The following CPEB3 variants were observed in gnomAD, a reference collection of about 807,000 sequenced individuals.
The protein encoded by CPEB3 is cytoplasmic polyadenylation element-binding protein 3.
A neutral mutation model predicts 67.2 loss-of-function variants in CPEB3; 20 were observed. The ratio of observed to expected loss-of-function variants is 0.30; its 90% CI spans 0.21 to 0.43. CPEB3 has a LOEUF of 0.43. Ranked by LOEUF, CPEB3 falls within the 20% of genes least tolerant of loss-of-function variation. The pLI, the probability that CPEB3 is intolerant of heterozygous loss-of-function variation, is 1.00. For synonymous variants in CPEB3, 376 were observed against 393.1 expected, an observed-to-expected ratio of 0.96 and a Z score of 0.51; for missense variants, 746 against 968.6, an observed-to-expected ratio of 0.77 and a Z score of 3.05.
chr10:92,167,922 T>A (rs1363362667), intron 4 of CPEB3, among the ~76,000 whole-genome samples: 2 of 150,728 alleles, frequency 1.3e-5, no homozygotes, highest in African/African-American at 4.9e-5. Context: ...AAAAATAAAA[T>A]AAAATAAAAT....
chr10:92,054,782 A>G (rs999884524), intron 9 of CPEB3, among the ~76,000 whole-genome samples: 6 of 152,096 alleles, frequency 3.9e-5, no homozygotes, highest in African/African-American at 1.4e-4. Flanking sequence ...AAATTATTCA[A>G]ATTAAAAATA....
rs987927236 is a variant in CPEB3, at chr10:92,246,339, C to CA, written c.-11-5979dup. ...ACAGAGCGAGACTCCGTCTCAAAAACAAAAAAAAAAACGAAAAACAAAAAA... is the reference window on the plus strand; with the variant it reads ...ACAGAGCGAGACTCCGTCTCAAAAACAAAAAAAAAAAACGAAAAACAAAAAA... On this transcript the variant is annotated intron_variant, in intron 1 of 9. Coordinates refer to ENST00000265997, the MANE Select transcript of CPEB3 (RefSeq NM_014912.5). 7.0e-3 allele frequency among the ~76,000 whole-genome samples: 804 copies of CA among 114,766 alleles called. 5 individuals are homozygous for CA. Among genetic ancestry groups the CA allele is most frequent in the South Asian group, 0.012 (40 of 3,456 alleles). 75.3% of individuals were successfully genotyped at this position (114,766 alleles called of 152,430 possible).
intron 4 of CPEB3, among the ~76,000 whole-genome samples, chr10:92,173,895 A>G (rs148402274): frequency 3.2e-4 from 48 of 152,316 alleles, no homozygotes; most frequent in Non-Finnish European, 5.9e-4. Flanking sequence ...GCACAACCAT[A>G]TATTAGTTTT....
At chr10:92,215,218 T>C (rs1850297419) in intron 2 of CPEB3, among the ~76,000 whole-genome samples, 1 of 150,528 alleles carries the variant, frequency 6.6e-6, no homozygotes, top group Non-Finnish European at 1.5e-5. Flanking sequence ...AGTAGTGCAA[T>C]CTCAGCTCAC....
At chr10:92,244,869 C>T (rs1245227349) in intron 1 of CPEB3, among the ~76,000 whole-genome samples, 1 of 152,056 alleles carries the variant, frequency 6.6e-6, no homozygotes, top group African/African-American at 2.4e-5. Flanking sequence ...GTTCAAGAAC[C>T]GGTTTGTTCA....
chr10:92,248,242 A>G (rs960866095), intron 1 of CPEB3, among the ~76,000 whole-genome samples: 1 of 152,326 alleles, frequency 6.6e-6, no homozygotes, highest in African/African-American at 2.4e-5. Flanking sequence ...ATACAATGTA[A>G]GTGTTATGTA....
At chr10:92,180,743 G>T (rs1848423007) in intron 4 of CPEB3, among the ~76,000 whole-genome samples, 1 of 152,176 alleles carries the variant, frequency 6.6e-6, no homozygotes, top group Non-Finnish European at 1.5e-5. Context: ...TTAAGTGTCT[G>T]ATTCAATAGC....
At chr10:92,061,945 T>C (rs145096873) in intron 9 of CPEB3, among the ~76,000 whole-genome samples, 205 of 152,278 alleles carry the variant, frequency 1.3e-3, no homozygotes, top group Middle Eastern at 6.8e-3. Context: ...CTACACCCAC[T>C]ATGTATAAAA....
chr10:92,179,919 A>G (rs1446503034), intron 4 of CPEB3, among the ~76,000 whole-genome samples: 1 of 152,236 alleles, frequency 6.6e-6, no homozygotes, highest in Non-Finnish European at 1.5e-5. Flanking sequence ...TATTGTACAC[A>G]ACCCTAGATT....
chr10:92,217,607 C>T (rs1342648565), intron 2 of CPEB3, among the ~76,000 whole-genome samples: 1 of 151,300 alleles, frequency 6.6e-6, no homozygotes, highest in Non-Finnish European at 1.5e-5. Context: ...ACTAAAAATA[C>T]AAAAATTAGC....
chr10:92,199,646 C>T (rs113336324), intron 2 of CPEB3, among the ~76,000 whole-genome samples: 10,264 of 136,246 alleles, frequency 0.075, 1,287 homozygotes, highest in African/African-American at 0.27. Context: ...ATCACGCCAC[C>T]GTACTCCAGC....
At chr10:92,278,055 G>A (rs1249152287) in intron 1 of CPEB3, among the ~76,000 whole-genome samples, 5 of 151,514 alleles carry the variant, frequency 3.3e-5, no homozygotes, top group African/African-American at 4.9e-5. Flanking sequence ...GCATGGTGGC[G>A]GGTGCCTGTA....
chr10:92,136,268 T>C (rs1846091976), intron 6 of CPEB3, among the ~76,000 whole-genome samples: 1 of 152,010 alleles, frequency 6.6e-6, no homozygotes, highest in African/African-American at 2.4e-5. Context: ...CTCCAAGACA[T>C]TGGTCTGGGC....
At position 92,239,895 on chromosome 10, in the gene CPEB3, G is replaced by A. The variant is rs747601564; in HGVS notation, c.456C>T (p.Ser152=). The change falls in exon 2 of 10, where the codon TCC becomes TCT. Residue 152 remains serine, a synonymous_variant. Coordinates refer to ENST00000265997, the MANE Select transcript of CPEB3 (RefSeq NM_014912.5). This position sits in a 1 kb window ranked among gnomAD's most constrained non-coding sequence, Gnocchi z 6.0. ...HVNPVFGGTF[S]PQIGLAQTQH... is the part of the protein sequence containing the mutation. ...GGGTCTGCGCCAGGCCGATCTGCGG[G>A]GAGAAAGTGCCTCCGAAGACTGGGT... The A allele has an allele frequency of 3.7e-6, 6 of 1,612,280 alleles. No homozygotes were observed. The highest frequency in any genetic ancestry group is 2.2e-5 in the East Asian group (1 of 44,794).
chr10:92,286,350 C>G (rs1324706309), intron 1 of CPEB3, among the ~76,000 whole-genome samples: 3 of 151,928 alleles, frequency 2.0e-5, no homozygotes, highest in African/African-American at 7.3e-5. Context: ...TTTGGGAGGC[C>G]AAGGCAAGTG....
At chr10:92,203,619 T>C (rs1397165682) in intron 2 of CPEB3, among the ~76,000 whole-genome samples, 1 of 151,750 alleles carries the variant, frequency 6.6e-6, no homozygotes, top group Non-Finnish European at 1.5e-5. Context: ...GGTTTCACCA[T>C]GTTGGCCAGG....
At chr10:92,053,637 G>T (rs1841999892) in intron 9 of CPEB3, among the ~76,000 whole-genome samples, 1 of 151,832 alleles carries the variant, frequency 6.6e-6, no homozygotes, top group Non-Finnish European at 1.5e-5. Context: ...CGCCTCCCAG[G>T]TTCACGCCAT....
At chr10:92,123,741 T>C (rs1450912945) in intron 6 of CPEB3, among the ~76,000 whole-genome samples, 1 of 152,210 alleles carries the variant, frequency 6.6e-6, no homozygotes, top group Non-Finnish European at 1.5e-5. Flanking sequence ...TAGTCTTAAT[T>C]TCTTCGCCTC....
At chr10:92,226,616 G>A (rs1850986886) in intron 2 of CPEB3, among the ~76,000 whole-genome samples, 1 of 152,192 alleles carries the variant, frequency 6.6e-6, no homozygotes, top group African/African-American at 2.4e-5. Flanking sequence ...TTGCCCTTGT[G>A]GAGCCTACAT....
Sources: gnomAD v4.1 joint callset for allele counts (sites outside exome capture counted in the v4.1 genomes callset) on GRCh38, gnomAD v4.1.1 for gene constraint, Gnocchi (gnomAD v3.1) non-coding constraint, MANE v1.5 for transcripts, NCBI Gene and HGNC (gene_info 2026-07-23, HGNC 2026-07-21) for gene names.